Variants in SVIL observed in about 807,000 individuals in gnomAD.
SVIL encodes archvillin.
SVIL carries 101 observed loss-of-function variants against 240.4 expected under a neutral mutation model. That is an observed-to-expected ratio of 0.42 (90% CI 0.36 to 0.50). The LOEUF is 0.50. Ranked by LOEUF, SVIL falls within the 20% of genes least tolerant of loss-of-function variation. SVIL has a pLI of 0.01. For synonymous variants in SVIL, 999 were observed against 1,100.0 expected (o/e 0.91, Z 1.82); for missense variants, 2,512 against 2,818.7 (o/e 0.89, Z 2.46).
rs183281529 is a variant in SVIL, at chr10:29,609,947, G to T, written c.-201+24473C>A. ...AGGCATGAGCAAAACTCAGGCAGAG[G>T]TGCCACCAGCAACAGAGGTTTCCAG... On this transcript the variant is annotated intron_variant, in intron 1 of 37. Coordinates refer to ENST00000355867, the MANE Select transcript of SVIL (RefSeq NM_021738.3). Among the ~76,000 whole-genome samples, 113 of 152,340 alleles carry T rather than the reference G, an allele frequency of 7.4e-4. No individual in the cohort carries two copies. The South Asian group carries it at 9.1e-3, about 12-fold the overall frequency.
intron 20 of SVIL, 122 bp from the exon 21 acceptor site, chr10:29,493,513 G>C (rs1264051865): frequency 7.4e-6 from 8 of 1,074,896 alleles, no homozygotes; most frequent in Admixed American, 2.3e-5. Flanking sequence ...ACACGGTTGT[G>C]ATATACAGGG....
chr10:29,471,027 G>T, intron 31 of SVIL, 111 bp downstream of exon 31: 2 of 1,005,404 alleles, frequency 2.0e-6, no homozygotes, highest in Non-Finnish European at 3.1e-6. Flanking sequence ...GGCTTTCAGA[G>T]GTCGAGCCAC....
At chr10:29,598,593 T>A (rs1956688729) in intron 1 of SVIL, among the ~76,000 whole-genome samples, 1 of 152,200 alleles carries the variant, frequency 6.6e-6, no homozygotes. Flanking sequence ...AATGCCAGCA[T>A]GCAGTTACGG....
At chr10:29,711,430 AT>A (rs34393357) in intron 1 of SVIL, among the ~76,000 whole-genome samples, 34,659 of 150,768 alleles carry the variant, frequency 0.23, 3,819 homozygotes, top group African/African-American at 0.33. Context: ...GGGAAAACAA[AT>A]GCCACCAACA....
chr10:29,710,594 T>G (rs1963208857), intron 1 of SVIL, among the ~76,000 whole-genome samples: 1 of 152,238 alleles, frequency 6.6e-6, no homozygotes, highest in East Asian at 1.9e-4. Context: ...TATTGAGGAA[T>G]AAAGAGAAAG....
intron 26 of SVIL, among the ~76,000 whole-genome samples, chr10:29,485,725 A>G (rs531145951): frequency 1.7e-4 from 26 of 152,272 alleles, no homozygotes; most frequent in Non-Finnish European, 2.9e-4. Context: ...TGGGAAATCC[A>G]TAAATTATAT....
In SVIL at chr10:29,532,890, G is replaced by C. The variant is rs766000637; in HGVS notation, c.1477C>G (p.Leu493Val). ...STVTLEHQKE[L>V]ENVAQPPQAP... ...TGAGGGGGTTGTGCCACGTTTTCCA[G>C]TTCCTTCTGATGCTCTAAGGTGACT... Residue 493 changes from leucine (L) to valine (V), a missense_variant, in exon 8 of 38, where the codon CTG becomes GTG. Coordinates refer to ENST00000355867, the MANE Select transcript of SVIL (RefSeq NM_021738.3). The C allele has an allele frequency of 2.5e-6, 4 of 1,614,128 alleles. No homozygotes were observed.
exon 3 of SVIL, chr10:29,658,059 T>C (rs535688239): frequency 2.0e-5 from 3 of 152,312 alleles, no homozygotes; most frequent in Non-Finnish European, 4.4e-5. Flanking sequence ...GCCATCCACT[T>C]GAACTCTCTC....
chr10:29,687,013 C>A (rs943156276), intron 1 of SVIL, among the ~76,000 whole-genome samples: 24 of 152,178 alleles, frequency 1.6e-4, no homozygotes, highest in African/African-American at 5.8e-4. Context: ...AAGATTAAGC[C>A]TGGAGGCTGA....
At chr10:29,732,667 A>G (rs1356447171) in intron 1 of SVIL, among the ~76,000 whole-genome samples, 1 of 152,174 alleles carries the variant, frequency 6.6e-6, no homozygotes, top group Non-Finnish European at 1.5e-5. Flanking sequence ...TCTTCTATCA[A>G]CTTGGTGGTT....
At chr10:29,584,233 A>G (rs1395284771) in intron 1 of SVIL, among the ~76,000 whole-genome samples, 2 of 152,202 alleles carry the variant, frequency 1.3e-5, no homozygotes, top group African/African-American at 4.8e-5. Flanking sequence ...GTGGGCTTAA[A>G]TGGTCCCATC....
chr10:29,477,742 C>G (rs1043003903), intron 29 of SVIL, among the ~76,000 whole-genome samples: 1 of 152,208 alleles, frequency 6.6e-6, no homozygotes, highest in African/African-American at 2.4e-5. Context: ...TAACTTAATT[C>G]TCTAAAGCTG....
chr10:29,545,785 G>A (rs1952611631), intron 6 of SVIL, among the ~76,000 whole-genome samples: 2 of 145,736 alleles, frequency 1.4e-5, no homozygotes, highest in African/African-American at 5.1e-5. Context: ...AACCCAGGAG[G>A]TGGAGGTTGC....
intron 3 of SVIL, among the ~76,000 whole-genome samples, chr10:29,651,328 G>T (rs1958828429): frequency 6.6e-6 from 1 of 152,122 alleles, no homozygotes; most frequent in South Asian, 2.1e-4. Context: ...CTGAAAACAG[G>T]TGCCAAATTG....
At chr10:29,701,885 A>T (rs1338615615) in intron 1 of SVIL, among the ~76,000 whole-genome samples, 1 of 152,146 alleles carries the variant, frequency 6.6e-6, no homozygotes, top group Non-Finnish European at 1.5e-5. Context: ...AAAAGTAAAG[A>T]GCTATAGGCT....
chr10:29,496,188 T>C (rs1397148060), intron 18 of SVIL, among the ~76,000 whole-genome samples: 1 of 152,204 alleles, frequency 6.6e-6, no homozygotes, highest in Non-Finnish European at 1.5e-5. Flanking sequence ...AAAAAAACCA[T>C]TAAATGGTTT....
chr10:29,668,467 A>G (rs1959502329), intron 2 of SVIL, among the ~76,000 whole-genome samples: 2 of 151,986 alleles, frequency 1.3e-5, no homozygotes, highest in South Asian at 4.1e-4. Flanking sequence ...CAAGAAGTAA[A>G]ATCTAAGATA....
chr10:29,720,894 T>C (rs1252359327), intron 1 of SVIL, among the ~76,000 whole-genome samples: 1 of 152,232 alleles, frequency 6.6e-6, no homozygotes, highest in East Asian at 1.9e-4. Context: ...GTGCCCAGGC[T>C]GGAGTGTAGT....
chr10:29,675,521 C>A (rs1047691672), intron 2 of SVIL, among the ~76,000 whole-genome samples: 1 of 152,118 alleles, frequency 6.6e-6, no homozygotes, highest in Admixed American at 6.5e-5. Context: ...AAGAAACCAG[C>A]CCTCTCCAGG....
Sources: gnomAD v4.1 joint callset for allele counts (sites outside exome capture counted in the v4.1 genomes callset) on GRCh38, gnomAD v4.1.1 for gene constraint, MANE v1.5 for transcripts, NCBI Gene and HGNC (gene_info 2026-07-23, HGNC 2026-07-21) for gene names.